Variants in RNF11 observed in about 807,000 individuals in gnomAD.
The protein encoded by RNF11 is ring finger protein 11.
A neutral mutation model predicts 15.8 loss-of-function variants in RNF11; 4 were observed. That is an observed-to-expected ratio of 0.25 (90% CI 0.12 to 0.58). The LOEUF (loss-of-function observed/expected upper bound fraction) is 0.58. Among genes scored for constraint, RNF11 ranks in the 20% least tolerant of loss-of-function variants. The probability of loss-of-function intolerance (pLI) is 0.91; values close to 1 mark genes in which losing one functional copy is unlikely to be tolerated. For missense variants in RNF11, 139 were observed against 194.4 expected, an observed-to-expected ratio of 0.71 and a Z score of 1.70; for synonymous variants, 68 against 72.3, an observed-to-expected ratio of 0.94 and a Z score of 0.30.
chr1:51,239,835 G>T (rs187572044), intron 1 of RNF11, among the ~76,000 whole-genome samples: 1 of 152,318 alleles, frequency 6.6e-6, no homozygotes, highest in East Asian at 1.9e-4. Context: ...AGATGTCATT[G>T]TTTGCTGCTT....
intron 1 of RNF11, among the ~76,000 whole-genome samples, chr1:51,251,940 G>A (rs749645223): frequency 3.9e-5 from 6 of 151,974 alleles, no homozygotes; most frequent in Non-Finnish European, 5.9e-5. Flanking sequence ...TTAGCTGGGT[G>A]TGGTAGTGCA....
At position 51,271,847 on chromosome 1, in the gene RNF11, T is replaced by C. The variant is rs1451979272; in HGVS notation, c.*525T>C. ...TTTTTTCCATTGGAAATGGAATTCA[T>C]TGCCTTAGGTCTTTTTAAATAGTGT... On this transcript the variant is annotated 3_prime_UTR_variant, in exon 3 of 3. Coordinates refer to ENST00000242719, the MANE Select transcript of RNF11 (RefSeq NM_014372.5). The C allele has an allele frequency of 6.5e-6, 1 of 153,172 alleles. No individual in the cohort carries two copies. Among genetic ancestry groups the C allele is most frequent in the Non-Finnish European group, 1.5e-5 (1 of 68,440 alleles). The allele number at this position is 153,172 out of a possible 1,614,324, so 9.5% of individuals were successfully genotyped here. A position where few individuals can be genotyped will look rare whatever the true frequency, so the allele number is the denominator to read the frequency against.
chr1:51,250,573 G>T, intron 1 of RNF11: 5 of 596,432 alleles, frequency 8.4e-6, no homozygotes, highest in Admixed American at 2.9e-5. Context: ...CGCTTAATTC[G>T]CTTTATTTTC....
At chr1:51,253,960 C>G (rs1188686015) in intron 1 of RNF11, among the ~76,000 whole-genome samples, 1 of 150,756 alleles carries the variant, frequency 6.6e-6, no homozygotes, top group Non-Finnish European at 1.5e-5. Flanking sequence ...ATAGTGAGGT[C>G]CCATCTCTAA....
intron 1 of RNF11, among the ~76,000 whole-genome samples, chr1:51,248,430 G>A (rs1167236901): frequency 4.6e-5 from 7 of 151,890 alleles, no homozygotes; most frequent in African/African-American, 4.8e-5. Context: ...TCGAACTCCC[G>A]ACCTCAGGTG....
chr1:51,238,823 G>A (rs757116640), intron 1 of RNF11, among the ~76,000 whole-genome samples: 1 of 151,982 alleles, frequency 6.6e-6, no homozygotes, highest in African/African-American at 2.4e-5. Context: ...TCCACCTCCC[G>A]GGTTCTAGCG....
chr1:51,249,459 T>C (rs1222788813), intron 1 of RNF11, among the ~76,000 whole-genome samples: 3 of 152,248 alleles, frequency 2.0e-5, no homozygotes, highest in South Asian at 4.1e-4. Flanking sequence ...TATAGTCTGT[T>C]TCCAAGCCCC....
chr1:51,253,079 C>T (rs1045840638), intron 1 of RNF11, among the ~76,000 whole-genome samples: 23 of 152,014 alleles, frequency 1.5e-4, no homozygotes, highest in Non-Finnish European at 2.9e-4. Flanking sequence ...CCCGCCTCTG[C>T]CTCCCAACGT....
chr1:51,236,415 C>G lies in RNF11; in HGVS notation c.-342C>G, dbSNP rs139814203. The G allele has an allele frequency of 0.043, 7,296 of 170,230 alleles. 290 individuals carry two copies. Among genetic ancestry groups the G allele is most frequent in the African/African-American group, 0.097 (4,071 of 41,880 alleles). The allele number at this position is 170,230 out of a possible 1,614,324, so 10.5% of individuals were successfully genotyped here. On this transcript the variant is annotated 5_prime_UTR_variant, in exon 1 of 3. Transcript: ENST00000242719. Reference sequence around the variant, plus strand: ...GCAGCCGCGACGGCCGCGCCCCCCCCCGCTGACCTGGATTAGGCCCAGCAG... The same window carrying G: ...GCAGCCGCGACGGCCGCGCCCCCCCGCGCTGACCTGGATTAGGCCCAGCAG...
intron 1 of RNF11, among the ~76,000 whole-genome samples, chr1:51,238,863 G>A (rs1646816666): frequency 6.6e-6 from 1 of 151,992 alleles, no homozygotes; most frequent in South Asian, 2.1e-4. Flanking sequence ...CTGAGTAGCT[G>A]GGATTACAGG....
chr1:51,252,859 C>T (rs756203886), intron 1 of RNF11, among the ~76,000 whole-genome samples: 6 of 147,490 alleles, frequency 4.1e-5, no homozygotes, highest in Non-Finnish European at 7.5e-5. Flanking sequence ...GAGAGTCTTG[C>T]TCTGTTGCCC....
chr1:51,267,051 G>A (rs1365295900), intron 1 of RNF11, among the ~76,000 whole-genome samples: 1 of 152,086 alleles, frequency 6.6e-6, no homozygotes, highest in East Asian at 1.9e-4. Context: ...AGTTTGGTCA[G>A]CCTGGTCAGC....
At position 51,270,003 on chromosome 1, in the gene RNF11, G is replaced by A; in HGVS notation, c.171G>A (p.Arg57=). 6.2e-7 allele frequency: 1 copy of A among 1,613,638 alleles called. No individual in the cohort carries two copies. The highest frequency in any genetic ancestry group is 8.5e-7 in the Non-Finnish European group (1 of 1,179,852). The change falls in exon 2 of 3, where the codon CGG becomes CGA. Residue 57 remains arginine, a synonymous_variant. Coordinates refer to ENST00000242719, the MANE Select transcript of RNF11 (RefSeq NM_014372.5). ...ACCACCCAACACCTAGCCAGACTCG[G>A]CTAGCAACTCAGCTGACTGAAGAGG... is the stretch of plus-strand genomic sequence containing the variant. The part of the protein sequence containing the change: ...PVYHPTPSQT[R]LATQLTEEEQ...
intron 1 of RNF11, among the ~76,000 whole-genome samples, chr1:51,266,751 CTG>C (rs1203713935): frequency 6.6e-6 from 1 of 152,234 alleles, no homozygotes; most frequent in Non-Finnish European, 1.5e-5. Context: ...GCGTGAGCCA[CTG>C]TGCCAGGCGC....
chr1:51,243,183 A>G (rs1646837736), intron 1 of RNF11, among the ~76,000 whole-genome samples: 1 of 152,230 alleles, frequency 6.6e-6, no homozygotes, highest in Non-Finnish European at 1.5e-5. Flanking sequence ...AATGAGAATG[A>G]TACATTAAAC....
chr1:51,265,009 T>C (rs942713604), intron 1 of RNF11: 1 of 152,118 alleles, frequency 6.6e-6, no homozygotes, highest in Non-Finnish European at 1.5e-5. Context: ...GACCTTGCTG[T>C]TTTTGATGTT....
At chr1:51,253,259 T>G (rs1646889252) in intron 1 of RNF11, among the ~76,000 whole-genome samples, 1 of 152,252 alleles carries the variant, frequency 6.6e-6, no homozygotes, top group East Asian at 1.9e-4. Context: ...GCACAGGGGT[T>G]CAAGCCTGTG....
At position 51,237,796 on chromosome 1, in the gene RNF11, C is replaced by T. The variant is rs150012541; in HGVS notation, c.123+917C>T. Among the ~76,000 whole-genome samples the T allele has an allele frequency of 1.8e-4, 27 of 152,244 alleles. No individual in the cohort carries two copies. The East Asian group carries it at 4.8e-3, about 27-fold the overall frequency. ...TCCATTTTAGATGATATTGAATACA[C>T]CCTTTTCCAGAGGGCTTCAATAGTA... On this transcript the variant is annotated intron_variant, in intron 1 of 2. Coordinates refer to ENST00000242719, the MANE Select transcript of RNF11 (RefSeq NM_014372.5).
At chr1:51,262,808 T>A (rs372855951) in intron 1 of RNF11, among the ~76,000 whole-genome samples, 1 of 150,250 alleles carries the variant, frequency 6.7e-6, no homozygotes, top group Non-Finnish European at 1.5e-5. Flanking sequence ...CCTCAGGTGA[T>A]CTGCCTGCCT....
Sources: gnomAD v4.1 joint callset for allele counts (sites outside exome capture counted in the v4.1 genomes callset) on GRCh38, gnomAD v4.1.1 for gene constraint, MANE v1.5 for transcripts, NCBI Gene and HGNC (gene_info 2026-07-23, HGNC 2026-07-21) for gene names.